VWC2: variants seen among roughly 807,000 people sequenced by gnomAD.
VWC2 encodes the protein von Willebrand factor C domain containing 2.
In VWC2, 14 loss-of-function variants were observed where a neutral mutation model predicts 29.8. The observed-to-expected ratio is 0.47, with a 90% CI of 0.31 to 0.74. VWC2 has a LOEUF of 0.74. Ranked by LOEUF, VWC2 falls within the 30% of genes least tolerant of loss-of-function variation. The pLI is 0.05. For synonymous variants in VWC2, 213 were observed against 199.0 expected (o/e 1.07, Z -0.59); for missense variants, 457 against 459.8 (o/e 0.99, Z 0.05).
At chr7:49,905,742 T>C (rs1341722983) in intron 3 of VWC2, among the ~76,000 whole-genome samples, 2 of 151,928 alleles carry the variant, frequency 1.3e-5, no homozygotes, top group Non-Finnish European at 2.9e-5. Context: ...GTTAAGGCAT[T>C]CTAAGTCACG....
chr7:49,790,034 G>C (rs1385054910), intron 2 of VWC2, among the ~76,000 whole-genome samples: 1 of 152,206 alleles, frequency 6.6e-6, no homozygotes, highest in Non-Finnish European at 1.5e-5. Context: ...CTGCCCATCA[G>C]GTCTGAACCA....
At chr7:49,819,257 A>C (rs529337298) in intron 3 of VWC2, among the ~76,000 whole-genome samples, 1 of 152,324 alleles carries the variant, frequency 6.6e-6, no homozygotes, top group East Asian at 1.9e-4. Flanking sequence ...GGAACTCTAC[A>C]GGAGTTCAAG....
At position 49,905,548 on chromosome 7, in the gene VWC2, G is replaced by T. The variant is rs1009155088; in HGVS notation, c.827-6486G>T. ...ACCTTGATTTCTATCATTTAAAAAAGAGTTTTATTTATTTGTGTGCATTGT... is the reference window on the plus strand; with the variant it reads ...ACCTTGATTTCTATCATTTAAAAAATAGTTTTATTTATTTGTGTGCATTGT... On this transcript the variant is annotated intron_variant, in intron 3 of 3. Transcript: ENST00000340652. Among the ~76,000 whole-genome samples the T allele has an allele frequency of 2.0e-5, 3 of 152,114 alleles. No homozygotes were observed. In the East Asian group the frequency reaches 5.8e-4, roughly 29 times the overall value.
chr7:49,843,108 A>G (rs1341290880), intron 3 of VWC2, among the ~76,000 whole-genome samples: 1 of 152,122 alleles, frequency 6.6e-6, no homozygotes, highest in Non-Finnish European at 1.5e-5. Flanking sequence ...TACTGGTACC[A>G]TCTTTATGTC....
chr7:49,788,466 T>A (rs199899797), intron 2 of VWC2, among the ~76,000 whole-genome samples: 125 of 143,246 alleles, frequency 8.7e-4, no homozygotes, highest in African/African-American at 2.7e-3. Context: ...TGTGTGTGTG[T>A]GTGAGAGAGA....
intron 3 of VWC2, among the ~76,000 whole-genome samples, chr7:49,881,677 T>C (rs1791668320): frequency 6.6e-6 from 1 of 152,186 alleles, no homozygotes; most frequent in African/African-American, 2.4e-5. Flanking sequence ...ATATTAGTTT[T>C]CCCTAAAAGT....
intron 3 of VWC2, among the ~76,000 whole-genome samples, chr7:49,907,537 T>C (rs1777654349): frequency 6.6e-6 from 1 of 152,210 alleles, no homozygotes; most frequent in Admixed American, 6.5e-5. Flanking sequence ...GTAAAATATT[T>C]AAAGAGATTT....
intron 3 of VWC2, among the ~76,000 whole-genome samples, chr7:49,874,034 C>T (rs1791291852): frequency 6.6e-6 from 1 of 151,430 alleles, no homozygotes; most frequent in Non-Finnish European, 1.5e-5. Context: ...CATATGCACA[C>T]ACTATAGCAT....
At chr7:49,809,915 A>G (rs1420240983) in intron 3 of VWC2, among the ~76,000 whole-genome samples, 2 of 152,070 alleles carry the variant, frequency 1.3e-5, no homozygotes, top group East Asian at 1.9e-4. Flanking sequence ...AGCTAAAGCT[A>G]TTATGAATAC....
At chr7:49,838,651 G>A (rs923824541) in intron 3 of VWC2, among the ~76,000 whole-genome samples, 1 of 152,068 alleles carries the variant, frequency 6.6e-6, no homozygotes, top group African/African-American at 2.4e-5. Flanking sequence ...TACAAGCAGT[G>A]TTTTGAGGGA....
At chr7:49,881,119 C>T (rs1029783337) in intron 3 of VWC2, among the ~76,000 whole-genome samples, 2 of 152,138 alleles carry the variant, frequency 1.3e-5, no homozygotes, top group Non-Finnish European at 2.9e-5. Context: ...GCCTGAGAGG[C>T]CAGGTTTGCG....
intron 3 of VWC2, among the ~76,000 whole-genome samples, chr7:49,843,132 T>C (rs1398173050): frequency 6.6e-6 from 1 of 152,080 alleles, no homozygotes; most frequent in African/African-American, 2.4e-5. Context: ...AAGTACCCAA[T>C]GTTTAGCTCC....
intron 3 of VWC2, among the ~76,000 whole-genome samples, chr7:49,847,871 T>C (rs950107444): frequency 2.0e-5 from 3 of 152,044 alleles, no homozygotes; most frequent in Admixed American, 6.5e-5. Flanking sequence ...TGAGCTCTGA[T>C]TGGGTAATCA....
intron 3 of VWC2, among the ~76,000 whole-genome samples, chr7:49,828,290 T>C (rs960535200): frequency 1.3e-5 from 2 of 152,240 alleles, no homozygotes; most frequent in Admixed American, 6.5e-5. Flanking sequence ...TGGTTCCTTT[T>C]CAGTTTGGAA....
chr7:49,921,880 G>A lies in VWC2; in HGVS notation c.*9695G>A, dbSNP rs938610521. On this transcript the variant is annotated 3_prime_UTR_variant, in exon 4 of 4. Coordinates refer to ENST00000340652, the MANE Select transcript of VWC2 (RefSeq NM_198570.5). ...GGAGTTGAATTTAAATAATTAGGCCGAATTTGTATGTATTGTTGGATGGGT... is the reference window on the plus strand; with the variant it reads ...GGAGTTGAATTTAAATAATTAGGCCAAATTTGTATGTATTGTTGGATGGGT... The A allele has an allele frequency of 9.9e-5, 15 of 151,914 alleles. No homozygotes were observed. Among genetic ancestry groups the A allele is most frequent in the Non-Finnish European group, 2.2e-4 (15 of 67,966 alleles). The allele number at this position is 151,914 out of a possible 1,614,324, so 9.4% of individuals were successfully genotyped here. A position where few individuals can be genotyped will look rare whatever the true frequency, so the allele number is the denominator to read the frequency against.
In VWC2 at chr7:49,789,362, T is replaced by A. The variant is rs530664818; in HGVS notation, c.696+13231T>A. Among the ~76,000 whole-genome samples, 9 of 151,820 alleles carry A rather than the reference T, an allele frequency of 5.9e-5. No homozygotes were observed. In the East Asian group the frequency reaches 1.7e-3, roughly 29 times the overall value. ...GTGAGTGTATATGTGGCTGTGTGTG[T>A]GTGTGAGTGTGAGTGTGTGTATGAA... On this transcript the variant is annotated intron_variant, in intron 2 of 3. Coordinates refer to ENST00000340652, the MANE Select transcript of VWC2 (RefSeq NM_198570.5).
At chr7:49,837,871 G>C (rs892782160) in intron 3 of VWC2, among the ~76,000 whole-genome samples, 3 of 152,166 alleles carry the variant, frequency 2.0e-5, no homozygotes, top group African/African-American at 7.2e-5. Flanking sequence ...TTTGAGACCT[G>C]AGAGAAATCT....
intron 3 of VWC2, among the ~76,000 whole-genome samples, chr7:49,881,204 G>A (rs907002919): frequency 2.0e-5 from 3 of 152,100 alleles, no homozygotes; most frequent in African/African-American, 7.2e-5. Context: ...AGCTTGAGCC[G>A]AGAGGAGGAG....
chr7:49,801,921 C>T (rs1306838879), intron 2 of VWC2, among the ~76,000 whole-genome samples: 1 of 152,232 alleles, frequency 6.6e-6, no homozygotes, highest in South Asian at 2.1e-4. Flanking sequence ...CCTGTTTCTC[C>T]TCCTTCACCC....
Sources: gnomAD v4.1 joint callset for allele counts (sites outside exome capture counted in the v4.1 genomes callset) on GRCh38, gnomAD v4.1.1 for gene constraint, MANE v1.5 for transcripts, NCBI Gene and HGNC (gene_info 2026-07-23, HGNC 2026-07-21) for gene names.